The following RFNG variants were observed in gnomAD, a reference collection of about 807,000 sequenced individuals.
RFNG encodes the protein beta-1,3-N-acetylglucosaminyltransferase radical fringe.
In RFNG, 37 loss-of-function variants were observed where a neutral mutation model predicts 29.6. That is an observed-to-expected ratio of 1.25 (90% CI 0.96 to 1.65). RFNG has a LOEUF of 1.65. RFNG is among the 40% of genes most tolerant of loss of function. The pLI is 0.00. For missense variants in RFNG, 546 were observed against 457.0 expected, an observed-to-expected ratio of 1.19 and a Z score of -1.78; for synonymous variants, 276 against 197.3, an observed-to-expected ratio of 1.40 and a Z score of -3.34.
In RFNG at chr17:82,051,344, T is replaced by TG. The variant is rs1416236193; in HGVS notation, c.268-3dup. 24 of 1,465,962 alleles carry TG rather than the reference T, an allele frequency of 1.6e-5. No homozygotes were observed. The highest frequency in any genetic ancestry group is 2.1e-5 in the Non-Finnish European group (24 of 1,118,506). 90.8% of individuals were successfully genotyped at this position (1,465,962 alleles called of 1,614,324 possible). On this transcript the variant is annotated splice_region_variant and splice_polypyrimidine_tract_variant and intron_variant, in intron 1 of 7. Transcript: ENST00000310496. This position sits in a 1 kb window ranked among gnomAD's most constrained non-coding sequence, Gnocchi z 4.1. ...GTCCCCGTCGGTGAAGATAAACGTC[T>TG]GGGGGAGAAACAATCTATGAGGCTT...
At chr17:82,050,066 A>C (rs547380133) in intron 4 of RFNG, 60 bp from the exon 5 acceptor site, 5 of 1,386,598 alleles carry the variant, frequency 3.6e-6, no homozygotes, top group Non-Finnish European at 5.0e-6. Context: ...CTGACTCTTC[A>C]TGGGACTCCC....
rs1034564570 is a variant in RFNG at position 82,048,633 on chromosome 17, G to A, written c.*93C>T. The A allele has an allele frequency of 2.1e-5, 21 of 1,000,856 alleles. No individual in the cohort carries two copies. Among genetic ancestry groups the A allele is most frequent in the South Asian group, 7.7e-5 (6 of 78,370 alleles). The allele number at this position is 1,000,856 out of a possible 1,614,324, so 62.0% of individuals were successfully genotyped here. ...GTGCCTGCATCTCACTGGTGTGGCC[G>A]TGGCACCTGAGGGAGCCCACTGAGC... On this transcript the variant is annotated 3_prime_UTR_variant, in exon 8 of 8. Transcript: ENST00000310496.
Position 82,051,423 on chromosome 17 carries a change from G to C in RFNG, c.267+77C>G. The C allele has an allele frequency of 2.9e-6, 4 of 1,386,264 alleles. No homozygotes were observed. The South Asian group carries it at 7.1e-5, about 25-fold the overall frequency. The allele number at this position is 1,386,264 out of a possible 1,614,324, so 85.9% of individuals were successfully genotyped here. The stretch of plus-strand genomic sequence containing the variant: ...CCCGCCCCGCGCGGAGCCTCCGGGG[G>C]CCTGGGCCGGGCCTAGACCCTGGGA... On this transcript the variant is annotated intron_variant, in intron 1 of 7. Transcript: ENST00000310496. This position sits in a 1 kb window ranked among gnomAD's most constrained non-coding sequence, Gnocchi z 4.1.
At chr17:82,050,117 A>C in intron 4 of RFNG, 111 bp from the exon 5 acceptor site, 1 of 983,776 alleles carries the variant, frequency 1.0e-6, no homozygotes, top group Non-Finnish European at 1.5e-6. Flanking sequence ...GATCCCACCC[A>C]GGTAACAGAA....
Position 82,049,817 on chromosome 17 carries a change from C to T in RFNG, c.688G>A (p.Glu230Lys), listed in dbSNP as rs1017363835. ...CAGTCATCCGGCAGCCGCACCTGCT[C>T]AGCTGTGCTCATGAAGCTGCCCAGG... ...ASLGSFMSTA[E>K]QVRLPDDCTV... The change falls in exon 6 of 8, where the codon GAG (glutamate) becomes AAG (lysine). Residue 230 changes from glutamate to lysine, a missense_variant. Coordinates refer to ENST00000310496, the MANE Select transcript of RFNG (RefSeq NM_002917.2). The T allele has an allele frequency of 5.1e-6, 8 of 1,580,346 alleles. No individual in the cohort carries two copies. Among genetic ancestry groups the T allele is most frequent in the Non-Finnish European group, 6.9e-6 (8 of 1,165,514 alleles).
At chr17:82,049,298 G>A (rs991096726) in intron 6 of RFNG, 182 bp from the exon 7 acceptor site, 6 of 706,064 alleles carry the variant, frequency 8.5e-6, no homozygotes, top group African/African-American at 3.5e-5. Context: ...ACCTCAGGCA[G>A]AGCCTGGGGG....
chr17:82,049,639 A>G, intron 6 of RFNG, 38 bp downstream of exon 6: 1 of 1,459,974 alleles, frequency 6.8e-7, no homozygotes, highest in Non-Finnish European at 9.0e-7. Flanking sequence ...GGCGGGGCAA[A>G]GCCCAGGTGG....
Position 82,049,095 on chromosome 17 carries a change from G to A in RFNG, c.850C>T (p.Pro284Ser), listed in dbSNP as rs774244196. Residue 284 changes from proline (P) to serine (S), a missense_variant, in exon 7 of 8, where the codon CCT becomes TCT. Coordinates refer to ENST00000310496, the MANE Select transcript of RFNG (RefSeq NM_002917.2). ...TTCACCACGTTATGTGGGTTCTCAG[G>A]ACCCCCATGGCTCAAGGTAACCTGG... Reference protein sequence around the residue: ...LQQVTLSHGGPENPHNVVNVA... With the variant: ...LQQVTLSHGGSENPHNVVNVA... 6.2e-7 allele frequency: 1 copy of A among 1,613,448 alleles called. No individual in the cohort carries two copies. The highest frequency in any genetic ancestry group is 2.2e-5 in the East Asian group (1 of 44,860).
At position 82,051,590 on chromosome 17, in the gene RFNG, G is replaced by T; in HGVS notation, c.177C>A (p.Asp59Glu). Residue 59 changes from aspartate to glutamate, a missense_variant, in exon 1 of 8, where the codon GAC (aspartate) becomes GAA (glutamate). Asp to Glu is a conservative substitution (Grantham distance 45). Transcript: ENST00000310496. This position sits in a 1 kb window ranked among gnomAD's most constrained non-coding sequence, Gnocchi z 4.1. The stretch of plus-strand genomic sequence containing the variant: ...GGGTGGTCTTGACGGCGATGAAGAC[G>T]TCGTCAGGCCGCAGGCTGGGGGCAG... ...RPAAPSLRPDDVFIAVKTTRK... is the reference protein window; with the variant it reads ...RPAAPSLRPDEVFIAVKTTRK... 2 of 1,315,352 alleles carry T rather than the reference G, an allele frequency of 1.5e-6. No individual in the cohort carries two copies. Among genetic ancestry groups the T allele is most frequent in the Non-Finnish European group, 9.7e-7 (1 of 1,030,544 alleles). 81.5% of individuals were successfully genotyped at this position (1,315,352 alleles called of 1,614,324 possible). A position where few individuals can be genotyped will look rare whatever the true frequency, so the allele number is the denominator to read the frequency against.
chr17:82,051,732 C>T lies in RFNG; in HGVS notation c.35G>A (p.Cys12Tyr). 1 of 1,066,624 alleles carries T rather than the reference C, an allele frequency of 9.4e-7. No individual in the cohort carries two copies. Among genetic ancestry groups the T allele is most frequent in the South Asian group, 4.2e-5 (1 of 23,560 alleles). 66.1% of individuals were successfully genotyped at this position (1,066,624 alleles called of 1,614,324 possible). The change falls in exon 1 of 8, where the codon TGC becomes TAC. Residue 12 changes from cysteine to tyrosine, a missense_variant. Transcript: ENST00000310496. This position sits in a 1 kb window ranked among gnomAD's most constrained non-coding sequence, Gnocchi z 4.1. Reference sequence around the variant, plus strand: ...GGCCAGGGCCGCGGCCAGCGCGAGGCAGGCCCGGCACAGCGCCCCACGCGC... The same window carrying T: ...GGCCAGGGCCGCGGCCAGCGCGAGGTAGGCCCGGCACAGCGCCCCACGCGC... ...SRARGALCRA[C>Y]LALAAALAAL...
At position 82,049,712 on chromosome 17, in the gene RFNG, G is replaced by A. The variant is rs1183557165; in HGVS notation, c.793C>T (p.Leu265=). 2 of 1,501,916 alleles carry A rather than the reference G, an allele frequency of 1.3e-6. No homozygotes were observed. The highest frequency in any genetic ancestry group is 8.9e-7 in the Non-Finnish European group (1 of 1,127,934). 93.0% of individuals were successfully genotyped at this position (1,501,916 alleles called of 1,614,324 possible). Residue 265 remains leucine (L), a synonymous_variant, in exon 6 of 8, where the codon CTG becomes TTG. Coordinates refer to ENST00000310496, the MANE Select transcript of RFNG (RefSeq NM_002917.2). ...AGGGTGTCGGGCGGCAGCCTCTGCA[G>A]GTTCTCCAGGTGAGAGTGGAAGAGG... ...SPLFHSHLEN[L]QRLPPDTLLQ...
chr17:82,049,828 A>G lies in RFNG; in HGVS notation c.677T>C (p.Met226Thr). 4 of 1,592,164 alleles carry G rather than the reference A, an allele frequency of 2.5e-6. No individual in the cohort carries two copies. Among genetic ancestry groups the G allele is most frequent in the South Asian group, 1.1e-5 (1 of 88,398 alleles). ...MSPWASLGSF[M>T]STAEQVRLPD... Reference sequence around the variant, plus strand: ...CAGCCGCACCTGCTCAGCTGTGCTCATGAAGCTGCCCAGGCTGGGGGGAGG... The same window carrying G: ...CAGCCGCACCTGCTCAGCTGTGCTCGTGAAGCTGCCCAGGCTGGGGGGAGG... Residue 226 changes from methionine (M) to threonine (T), a missense_variant, in exon 6 of 8, where the codon ATG becomes ACG. Physicochemically the swap from Met to Thr is moderately conservative, Grantham distance 81. Transcript: ENST00000310496.
At chr17:82,049,552 C>T (rs1233074001) in intron 6 of RFNG, 125 bp downstream of exon 6, 1 of 1,168,294 alleles carries the variant, frequency 8.6e-7, no homozygotes, top group South Asian at 1.3e-5. Flanking sequence ...CAGGGTCCAC[C>T]CCCAGCCACA....
rs377078991 is a variant in RFNG, at chr17:82,049,600, C to T, written c.828+77G>A. ...CTGCCTGCTCAGCCGGGCATCGGGC[C>T]GGGGCAGTGGGGCCCCTGGGGGAGT... On this transcript the variant is annotated intron_variant, in intron 6 of 7. Transcript: ENST00000310496. 2.9e-4 allele frequency: 415 copies of T among 1,447,160 alleles called. 2 individuals are homozygous for T. The African/African-American group carries it at 4.0e-3, about 14-fold the overall frequency. The allele number at this position is 1,447,160 out of a possible 1,614,324, so 89.6% of individuals were successfully genotyped here.
rs2030524714 is a variant in RFNG at position 82,051,291 on chromosome 17, C to T, written c.316+3G>A. 7.1e-7 allele frequency: 1 copy of T among 1,400,534 alleles called. No individual in the cohort carries two copies. Among genetic ancestry groups the T allele is most frequent in the Non-Finnish European group, 9.3e-7 (1 of 1,077,622 alleles). 86.8% of individuals were successfully genotyped at this position (1,400,534 alleles called of 1,614,324 possible). ...CGGGCGCCGGGGAGTGGGGGACACT[C>T]ACCGCCCTGGAGCTCGAGCTCAGGG... On this transcript the variant is annotated splice_donor_region_variant and intron_variant, in intron 2 of 7. Coordinates refer to ENST00000310496, the MANE Select transcript of RFNG (RefSeq NM_002917.2). This position sits in a 1 kb window ranked among gnomAD's most constrained non-coding sequence, Gnocchi z 4.1.
Position 82,051,093 on chromosome 17 carries a change from T to A in RFNG, c.316+201A>T. The A allele has an allele frequency of 7.3e-7, 1 of 1,363,448 alleles. No homozygotes were observed. Among genetic ancestry groups the A allele is most frequent in the Non-Finnish European group, 9.4e-7 (1 of 1,063,556 alleles). 84.5% of individuals were successfully genotyped at this position (1,363,448 alleles called of 1,614,324 possible). ...CCCACGCCCCGGGAAGCGGCTAGTG[T>A]GAGAGGCTGGTGGGGAGCAGAGCTT... On this transcript the variant is annotated intron_variant, in intron 2 of 7. Transcript: ENST00000310496. This position sits in a 1 kb window ranked among gnomAD's most constrained non-coding sequence, Gnocchi z 4.1.
chr17:82,049,070 T>C lies in RFNG; in HGVS notation c.875A>G (p.Asn292Ser), dbSNP rs2030099239. Reference protein sequence around the residue: ...GGPENPHNVVNVAGGFSLHQD... With the variant: ...GGPENPHNVVSVAGGFSLHQD... Reference sequence around the variant, plus strand: ...ATGCAGGCTGAAGCCTCCAGCCACGTTCACCACGTTATGTGGGTTCTCAGG... The same window carrying C: ...ATGCAGGCTGAAGCCTCCAGCCACGCTCACCACGTTATGTGGGTTCTCAGG... Residue 292 changes from asparagine to serine, a missense_variant, in exon 7 of 8, where the codon AAC (asparagine) becomes AGC (serine). Asn to Ser is a conservative substitution (Grantham distance 46, BLOSUM62 1). Coordinates refer to ENST00000310496, the MANE Select transcript of RFNG (RefSeq NM_002917.2). 6.2e-7 allele frequency: 1 copy of C among 1,613,580 alleles called. No individual in the cohort carries two copies. Among genetic ancestry groups the C allele is most frequent in the Non-Finnish European group, 8.5e-7 (1 of 1,179,868 alleles).
chr17:82,048,744 G>T lies in RFNG; in HGVS notation c.978C>A (p.Gly326=), dbSNP rs756716735. ...DTDWCPRQKQ[G]APTSR ...GTTGGTGTCACCGAGAGGTCGGGGCGCCCTGTTTCTGCCTGGGACACCAGT... is the reference window on the plus strand; with the variant it reads ...GTTGGTGTCACCGAGAGGTCGGGGCTCCCTGTTTCTGCCTGGGACACCAGT... Residue 326 remains glycine, a synonymous_variant, in exon 8 of 8, where the codon GGC becomes GGA. Coordinates refer to ENST00000310496, the MANE Select transcript of RFNG (RefSeq NM_002917.2). 2 of 1,612,994 alleles carry T rather than the reference G, an allele frequency of 1.2e-6. No individual in the cohort carries two copies. The highest frequency in any genetic ancestry group is 1.7e-6 in the Non-Finnish European group (2 of 1,179,760).
At chr17:82,048,918 C>T (rs1416440895) in intron 7 of RFNG, 111 bp from the exon 8 acceptor site, 32 of 1,397,236 alleles carry the variant, frequency 2.3e-5, no homozygotes, top group Middle Eastern at 4.0e-4. Context: ...AGGGAGAAGC[C>T]GGGGTCAGGG....
Sources: allele counts gnomAD v4.1 joint callset, GRCh38; gene constraint gnomAD v4.1.1; non-coding constraint Gnocchi (gnomAD v3.1); transcripts MANE v1.5; gene names NCBI Gene and HGNC (gene_info 2026-07-23, HGNC 2026-07-21).